The following VSIG1 variants were observed in gnomAD, a reference collection of about 807,000 sequenced individuals.
The protein encoded by VSIG1 is V-set and immunoglobulin domain containing 1, also known as V-set and immunoglobulin domain-containing protein 1.
A neutral mutation model predicts 20.1 loss-of-function variants in VSIG1; 11 were observed. That is an observed-to-expected ratio of 0.55 (90% CI 0.34 to 0.91). The LOEUF (loss-of-function observed/expected upper bound fraction) is 0.91. VSIG1 is among the 40% of genes least tolerant of loss of function. The pLI, the probability that VSIG1 is intolerant of heterozygous loss-of-function variation, is 0.02. For synonymous variants in VSIG1, 126 were observed against 116.7 expected (o/e 1.08, Z -0.52); for missense variants, 283 against 298.8 (o/e 0.95, Z 0.39).
At chrX:108,042,500 G>A (rs920533189), upstream of VSIG1, among the ~76,000 whole-genome samples, 1 of 111,600 alleles carries the variant, frequency 9.0e-6, no homozygotes, top group African/African-American at 3.3e-5. Flanking sequence ...TTTCAAAAGT[G>A]TCCTAGTTTT....
At chrX:108,072,929 C>T in intron 4 of VSIG1, 97 bp downstream of exon 4, 2 of 936,228 alleles carry the variant, frequency 2.1e-6, no homozygotes, top group South Asian at 5.0e-5. Context: ...ACAGTTCAAT[C>T]TTCTTGTTTT....
the VSIG1 span, among the ~76,000 whole-genome samples, chrX:108,019,733 T>C: frequency 1.1e-4 from 12 of 112,136 alleles, no homozygotes; most frequent in African/African-American, 3.9e-4. Context: ...GCTTTCAAAA[T>C]GGTGCTATGC....
intron 2 of VSIG1, among the ~76,000 whole-genome samples, chrX:108,062,431 C>A (rs1322701204): frequency 3.6e-5 from 4 of 111,559 alleles, no homozygotes; most frequent in African/African-American, 9.8e-5. Context: ...ACTGCAAGTT[C>A]TTCCCCACCC....
At chrX:108,072,652 T>G in intron 3 of VSIG1, 25 bp from the exon 4 acceptor site, 1 of 1,192,202 alleles carries the variant, frequency 8.4e-7, no homozygotes, top group Non-Finnish European at 1.1e-6. Context: ...CTAAAGAATT[T>G]TTATTCTTTG....
At position 108,066,827 on chromosome X, in the gene VSIG1, G is replaced by A. The variant is rs1203479418; in HGVS notation, c.214-109G>A. 5 of 731,964 alleles carry A rather than the reference G, an allele frequency of 6.8e-6. No homozygotes were observed. The East Asian group carries it at 1.0e-4, about 15-fold the overall frequency. The allele number at this position is 731,964 out of a possible 1,213,427, so 60.3% of individuals were successfully genotyped here. On this transcript the variant is annotated intron_variant, in intron 2 of 6. Coordinates refer to ENST00000217957, the MANE Select transcript of VSIG1 (RefSeq NM_182607.5). The stretch of plus-strand genomic sequence containing the variant: ...CACAGGGACCTGTTCCTGGTGGGGG[G>A]AAGATGCTGCTTCTTTATCAAAGGT...
Position 108,076,169 on chromosome X carries a change from G to T in VSIG1, c.781G>T (p.Ala261Ser). 8.3e-7 allele frequency: 1 copy of T among 1,210,865 alleles called. No individual in the cohort carries two copies. The change falls in exon 6 of 7, where the codon GCA becomes TCA. Residue 261 changes from alanine (A) to serine (S), a missense_variant. Physicochemically the swap from Ala to Ser is moderately conservative, Grantham distance 99. Coordinates refer to ENST00000217957, the MANE Select transcript of VSIG1 (RefSeq NM_182607.5). ...TGTTGTGTGCTTCGCAAGGAATAAG[G>T]CAAAAGCAAAGGCAAAAGAAAGAAA... ...ISVVCFARNKAKAKAKERNSK... is the reference protein window; with the variant it reads ...ISVVCFARNKSKAKAKERNSK...
the VSIG1 span, among the ~76,000 whole-genome samples, chrX:108,035,041 T>G: frequency 1.8e-5 from 2 of 112,453 alleles, no homozygotes; most frequent in African/African-American, 6.5e-5. Context: ...ATCTTTGTCA[T>G]TTTTTCCTGC....
intron 2 of VSIG1, among the ~76,000 whole-genome samples, chrX:108,066,324 T>C (rs892275432): frequency 1.1e-4 from 12 of 111,102 alleles, no homozygotes; most frequent in Non-Finnish European, 1.7e-4. Flanking sequence ...ACTAGATTTC[T>C]TAGTTTCATC....
intron 6 of VSIG1, among the ~76,000 whole-genome samples, chrX:108,076,847 A>G: frequency 8.9e-6 from 1 of 112,168 alleles, no homozygotes. Context: ...TCTTTCTTAA[A>G]CTTTCATGAT....
intron 2 of VSIG1, among the ~76,000 whole-genome samples, chrX:108,065,444 C>A (rs1000716255): frequency 9.0e-6 from 1 of 111,697 alleles, no homozygotes; most frequent in Non-Finnish European, 1.9e-5. Flanking sequence ...TTAGTCTCAC[C>A]AGACTAAGAC....
chrX:108,031,361 A>G, the VSIG1 span, among the ~76,000 whole-genome samples: 1 of 112,340 alleles, frequency 8.9e-6, no homozygotes, highest in Non-Finnish European at 1.9e-5. Context: ...CCAATCATTA[A>G]TCATGTACTG....
intron 1 of VSIG1, among the ~76,000 whole-genome samples, chrX:108,051,741 T>C (rs2030789326): frequency 1.8e-5 from 2 of 110,435 alleles, no homozygotes; most frequent in Admixed American, 9.6e-5. Flanking sequence ...TCAATTAACA[T>C]TATCTTAAAA....
the VSIG1 span, among the ~76,000 whole-genome samples, chrX:108,023,139 C>T: frequency 8.9e-6 from 1 of 112,052 alleles, no homozygotes; most frequent in African/African-American, 3.2e-5. Flanking sequence ...TAGAGAAGTT[C>T]CCTTCTATTC....
rs2031198070 is a variant in VSIG1 at position 108,069,534 on chromosome X, G to A, written c.412+2400G>A. Among the ~76,000 whole-genome samples the A allele has an allele frequency of 4.5e-5, 5 of 111,593 alleles. No individual in the cohort carries two copies. In the Admixed American group the frequency reaches 4.8e-4, roughly 11 times the overall value. On this transcript the variant is annotated intron_variant, in intron 3 of 6. Transcript: ENST00000217957. ...TGACTGAAAGGTGAGGCAAGATGGGGACAGGTGGGTAAGAGAGACAGGTTA... is the reference window on the plus strand; with the variant it reads ...TGACTGAAAGGTGAGGCAAGATGGGAACAGGTGGGTAAGAGAGACAGGTTA...
In VSIG1 at chrX:108,058,208, A is replaced by G; in HGVS notation, c.213+7A>G. On this transcript the variant is annotated splice_region_variant and intron_variant, in intron 2 of 6. Transcript: ENST00000217957. Reference sequence around the variant, plus strand: ...GGAGATGGAGCCAATTTCTGTAAGGACACTTTTTCCTAAACTCTTCCCCTT... The same window carrying G: ...GGAGATGGAGCCAATTTCTGTAAGGGCACTTTTTCCTAAACTCTTCCCCTT... 8.3e-7 allele frequency: 1 copy of G among 1,201,946 alleles called. No individual in the cohort carries two copies. Among genetic ancestry groups the G allele is most frequent in the Non-Finnish European group, 1.1e-6 (1 of 890,476 alleles).
chrX:108,056,640 A>G (rs980859515), intron 1 of VSIG1, among the ~76,000 whole-genome samples: 3 of 112,773 alleles, frequency 2.7e-5, no homozygotes, highest in African/African-American at 9.7e-5. Flanking sequence ...GATATTTAGC[A>G]TCGTTATCTA....
intron 3 of VSIG1, among the ~76,000 whole-genome samples, chrX:108,071,666 T>A (rs1388225317): frequency 9.0e-6 from 1 of 110,615 alleles, no homozygotes; most frequent in East Asian, 2.9e-4. Flanking sequence ...TCATCTCTCA[T>A]CCCTCTCCCA....
chrX:108,055,217 G>C (rs1014128194), intron 1 of VSIG1, among the ~76,000 whole-genome samples: 2 of 110,603 alleles, frequency 1.8e-5, no homozygotes, highest in Non-Finnish European at 3.8e-5. Flanking sequence ...AAAAAAATTG[G>C]CCAATTTATC....
intron 1 of VSIG1, among the ~76,000 whole-genome samples, chrX:108,054,962 A>G: frequency 9.3e-6 from 1 of 108,044 alleles, no homozygotes; most frequent in East Asian, 2.9e-4. Context: ...AATAATAAAG[A>G]GCTGAAATCA....
Sources: gnomAD v4.1 joint callset for allele counts (sites outside exome capture counted in the v4.1 genomes callset) on GRCh38, gnomAD v4.1.1 for gene constraint, MANE v1.5 for transcripts, NCBI Gene and HGNC (gene_info 2026-07-23, HGNC 2026-07-21) for gene names.